The following RAMP1 variants were observed in gnomAD, a reference collection of about 807,000 sequenced individuals.
The protein encoded by RAMP1 is receptor activity-modifying protein 1.
Under a neutral mutation model 8.2 loss-of-function variants are expected in RAMP1, and 7 were observed. The ratio of observed to expected loss-of-function variants is 0.85; its 90% CI spans 0.49 to 1.60. RAMP1 has a LOEUF of 1.60. Among genes scored for constraint, RAMP1 ranks in the 40% most tolerant of loss-of-function variants. RAMP1 has a pLI of 0.00. For synonymous variants in RAMP1, 92 were observed against 84.7 expected (o/e 1.09, Z -0.47); for missense variants, 192 against 202.4 (o/e 0.95, Z 0.31).
At chr2:237,904,433 A>C (rs920725019) in intron 2 of RAMP1, among the ~76,000 whole-genome samples, 3 of 150,828 alleles carry the variant, frequency 2.0e-5, no homozygotes, top group Admixed American at 6.6e-5. Flanking sequence ...ATAGAATAAA[A>C]ATCAAAATAA....
intron 2 of RAMP1, among the ~76,000 whole-genome samples, chr2:237,892,540 G>A (rs1020611735): frequency 1.3e-5 from 2 of 152,118 alleles, no homozygotes; most frequent in African/African-American, 4.8e-5. Flanking sequence ...GATTGCAGGT[G>A]TGAGCCACCG....
intron 2 of RAMP1, among the ~76,000 whole-genome samples, chr2:237,899,634 A>T (rs936319386): frequency 4.6e-5 from 7 of 152,120 alleles, no homozygotes; most frequent in African/African-American, 1.7e-4. Flanking sequence ...AGGGGACTTG[A>T]GTGTCTATTT....
intron 2 of RAMP1, among the ~76,000 whole-genome samples, chr2:237,885,869 G>A (rs1205835557): frequency 6.6e-6 from 1 of 152,186 alleles, no homozygotes; most frequent in Non-Finnish European, 1.5e-5. Flanking sequence ...ACGGAAACCC[G>A]GCTGCTGACC....
intron 1 of RAMP1, among the ~76,000 whole-genome samples, chr2:237,870,382 C>T (rs1482262584): frequency 1.3e-5 from 2 of 152,216 alleles, no homozygotes; most frequent in Non-Finnish European, 2.9e-5. Flanking sequence ...TCCGTGGGGG[C>T]GGTAGCAGGG....
chr2:237,881,809 A>G (rs2062371298), intron 2 of RAMP1, among the ~76,000 whole-genome samples: 1 of 151,278 alleles, frequency 6.6e-6, no homozygotes. Context: ...TCTCGTGTAC[A>G]TTAGAGATTT....
chr2:237,902,641 G>A (rs558953785), intron 2 of RAMP1, among the ~76,000 whole-genome samples: 110 of 151,876 alleles, frequency 7.2e-4, no homozygotes, highest in African/African-American at 2.4e-3. Flanking sequence ...CCCCGTCCCC[G>A]CTCCCTGTCT....
At chr2:237,886,030 C>T (rs1248633734) in intron 2 of RAMP1, among the ~76,000 whole-genome samples, 2 of 152,174 alleles carry the variant, frequency 1.3e-5, no homozygotes, top group East Asian at 3.9e-4. Context: ...GTGGCTGTGC[C>T]AGGAAAGACA....
intron 2 of RAMP1, among the ~76,000 whole-genome samples, chr2:237,902,644 C>T (rs1404152918): frequency 6.6e-6 from 1 of 152,088 alleles, no homozygotes; most frequent in East Asian, 1.9e-4. Flanking sequence ...CGTCCCCGCT[C>T]CCTGTCTGCC....
rs1406255232 is a variant in RAMP1, at chr2:237,862,243, C to A, written c.52+2516C>A. Among the ~76,000 whole-genome samples the A allele has an allele frequency of 3.3e-5, 5 of 152,122 alleles. No individual in the cohort carries two copies. Among genetic ancestry groups the A allele is most frequent in the African/African-American group, 1.2e-4 (5 of 41,408 alleles). Reference sequence around the variant, plus strand: ...TATGTGACTGCTTCAGATTGCCATGCGGTTTTAAATCTGGACACAGTTCTC... The same window carrying A: ...TATGTGACTGCTTCAGATTGCCATGAGGTTTTAAATCTGGACACAGTTCTC... On this transcript the variant is annotated intron_variant, in intron 1 of 2. Coordinates refer to ENST00000254661, the MANE Select transcript of RAMP1 (RefSeq NM_005855.4). The surrounding 1 kb of genome is among the most constrained non-coding windows in gnomAD (Gnocchi z 4.0).
At chr2:237,860,308 A>G (rs1000069537) in intron 1 of RAMP1, among the ~76,000 whole-genome samples, 1 of 152,218 alleles carries the variant, frequency 6.6e-6, no homozygotes, top group Non-Finnish European at 1.5e-5. Flanking sequence ...CCTTTTCGGG[A>G]CACTTCCATC....
At chr2:237,898,385 T>C (rs2062563563) in intron 2 of RAMP1, among the ~76,000 whole-genome samples, 1 of 152,190 alleles carries the variant, frequency 6.6e-6, no homozygotes, top group African/African-American at 2.4e-5. Context: ...CTAGTTTGAT[T>C]GTACTCTCTG....
chr2:237,883,841 GAAA>G (rs1044563945), intron 2 of RAMP1, among the ~76,000 whole-genome samples: 3 of 86,848 alleles, frequency 3.5e-5, no homozygotes, highest in African/African-American at 1.3e-4. Context: ...GAAAAGAAAA[GAAA>G]AAAAAAAAAG....
chr2:237,911,874 A>G lies in RAMP1; in HGVS notation c.*91A>G. 6.8e-7 allele frequency: 1 copy of G among 1,468,102 alleles called. No homozygotes were observed. Among genetic ancestry groups the G allele is most frequent in the Non-Finnish European group, 9.0e-7 (1 of 1,105,600 alleles). 90.9% of individuals were successfully genotyped at this position (1,468,102 alleles called of 1,614,324 possible). A position where few individuals can be genotyped will look rare whatever the true frequency, so the allele number is the denominator to read the frequency against. Reference sequence around the variant, plus strand: ...GGCAGCTTCTGGAGCCTTGGGACAGAGCAGGCCCACAATGCCCCCCTTCTT... The same window carrying G: ...GGCAGCTTCTGGAGCCTTGGGACAGGGCAGGCCCACAATGCCCCCCTTCTT... On this transcript the variant is annotated 3_prime_UTR_variant, in exon 3 of 3. Coordinates refer to ENST00000254661, the MANE Select transcript of RAMP1 (RefSeq NM_005855.4).
chr2:237,892,735 T>TTCTCTCTCTCTCTC (rs35656622), intron 2 of RAMP1, among the ~76,000 whole-genome samples: 1 of 148,626 alleles, frequency 6.7e-6, no homozygotes, highest in African/African-American at 2.5e-5. Context: ...GGGCTTCCTC[T>TTCTCTCTCTCTCTC]TCTCTCTCTC....
chr2:237,868,244 A>T (rs1576533845), intron 1 of RAMP1, among the ~76,000 whole-genome samples: 2 of 152,104 alleles, frequency 1.3e-5, no homozygotes, highest in East Asian at 3.9e-4. Flanking sequence ...GGGTTTCACC[A>T]TGTTGGCCAG....
intron 2 of RAMP1, among the ~76,000 whole-genome samples, chr2:237,899,164 G>A (rs771108663): frequency 2.6e-5 from 4 of 151,908 alleles, no homozygotes; most frequent in Non-Finnish European, 4.4e-5. Context: ...TCCGCCTCCC[G>A]GGTTCAAGCA....
upstream of RAMP1, chr2:237,858,903 G>A (rs2062104449): frequency 6.6e-6 from 1 of 152,640 alleles, no homozygotes. This position sits in a 1 kb window ranked among gnomAD's most constrained non-coding sequence, Gnocchi z 4.4. Flanking sequence ...GCAGCTGCCA[G>A]AGTGCCACCA....
At chr2:237,898,737 C>T (rs781537461) in intron 2 of RAMP1, among the ~76,000 whole-genome samples, 1 of 152,248 alleles carries the variant, frequency 6.6e-6, no homozygotes, top group African/African-American at 2.4e-5. Context: ...AGCTACACTG[C>T]GTGGGCTTTC....
Position 237,869,560 on chromosome 2 carries a change from T to TAATGG in RAMP1, c.53-7662_53-7661insTGGAA, listed in dbSNP as rs146703862. ...GCATTTGTGACTGGCTCATTTCACT[T>TAATGG]AAGGTTCTTCCATGTCGTAGTGTGA... On this transcript the variant is annotated intron_variant, in intron 1 of 2. Coordinates refer to ENST00000254661, the MANE Select transcript of RAMP1 (RefSeq NM_005855.4). Among the ~76,000 whole-genome samples, 29 of 152,342 alleles carry TAATGG rather than the reference T, an allele frequency of 1.9e-4. No individual in the cohort carries two copies. In the East Asian group the frequency reaches 5.4e-3, roughly 28 times the overall value.
Sources: allele counts gnomAD v4.1 joint callset (sites outside exome capture counted in the v4.1 genomes callset), GRCh38; gene constraint gnomAD v4.1.1; non-coding constraint Gnocchi (gnomAD v3.1); transcripts MANE v1.5; gene names NCBI Gene and HGNC (gene_info 2026-07-23, HGNC 2026-07-21).